The following DACH2 variants were observed in gnomAD, a reference collection of about 807,000 sequenced individuals.
DACH2 encodes the protein dachshund family transcription factor 2.
In DACH2, 17 loss-of-function variants were observed where a neutral mutation model predicts 35.8. That is an observed-to-expected ratio of 0.48 (90% CI 0.33 to 0.71). The LOEUF (loss-of-function observed/expected upper bound fraction) is 0.71. DACH2 is among the 30% of genes least tolerant of loss of function. DACH2 has a pLI of 0.02. For synonymous variants in DACH2, 195 were observed against 177.3 expected (o/e 1.10, Z -0.79); for missense variants, 469 against 472.7 (o/e 0.99, Z 0.07).
chrX:86,480,790 C>T (rs1342055346), intron 2 of DACH2, among the ~76,000 whole-genome samples: 2 of 111,489 alleles, frequency 1.8e-5, no homozygotes, highest in African/African-American at 3.3e-5. Context: ...GTTTGTATTC[C>T]AGCTAATGGT....
At chrX:86,549,301 TA>T (rs984483621) in intron 3 of DACH2, among the ~76,000 whole-genome samples, 8 of 111,363 alleles carry the variant, frequency 7.2e-5, no homozygotes, top group Non-Finnish European at 1.5e-4. Context: ...GATACATGTT[TA>T]AAAAATAATA....
intron 2 of DACH2, among the ~76,000 whole-genome samples, chrX:86,402,083 G>A (rs908391070): frequency 8.9e-6 from 1 of 111,972 alleles, no homozygotes; most frequent in African/African-American, 3.2e-5. Context: ...GTATCATACT[G>A]AATAAGGAAA....
At chrX:86,469,711 G>A (rs761827490) in intron 2 of DACH2, among the ~76,000 whole-genome samples, 16 of 110,647 alleles carry the variant, frequency 1.4e-4, no homozygotes, top group Admixed American at 4.9e-4. Context: ...TTTATATCAA[G>A]TTAGTTGTGG....
At chrX:86,602,817 CTTTAAA>C (rs2039806933) in intron 3 of DACH2, among the ~76,000 whole-genome samples, 1 of 111,403 alleles carries the variant, frequency 9.0e-6, no homozygotes, top group Non-Finnish European at 1.9e-5. Flanking sequence ...AGGAACAAAA[CTTTAAA>C]TTTAGATGAA....
chrX:86,401,377 C>T (rs1189180477), intron 2 of DACH2, among the ~76,000 whole-genome samples: 1 of 111,950 alleles, frequency 8.9e-6, no homozygotes, highest in African/African-American at 3.2e-5. Context: ...GTGCACTGCA[C>T]CCACTGTCCT....
intron 3 of DACH2, among the ~76,000 whole-genome samples, chrX:86,588,473 T>C (rs2039603952): frequency 1.8e-5 from 2 of 112,130 alleles, no homozygotes; most frequent in African/African-American, 6.5e-5. Context: ...ATTTTAACGA[T>C]ATTAATTCTT....
chrX:86,508,450 C>A (rs768762616), intron 2 of DACH2, among the ~76,000 whole-genome samples: 18 of 109,694 alleles, frequency 1.6e-4, no homozygotes, highest in Admixed American at 4.9e-4. Flanking sequence ...GTCCCAGCTA[C>A]TTGGGAGGCT....
At chrX:86,495,018 A>G (rs2038146968) in intron 2 of DACH2, among the ~76,000 whole-genome samples, 1 of 111,599 alleles carries the variant, frequency 9.0e-6, no homozygotes, top group Admixed American at 9.6e-5. Context: ...ATAAAATATT[A>G]ATGAGATAGT....
chrX:86,348,061 A>G (rs910329674), intron 1 of DACH2, among the ~76,000 whole-genome samples: 5 of 111,460 alleles, frequency 4.5e-5, no homozygotes, highest in African/African-American at 1.6e-4. Flanking sequence ...TCATAAGACC[A>G]CCCGTTATAA....
intron 3 of DACH2, among the ~76,000 whole-genome samples, chrX:86,574,749 C>A (rs1358949801): frequency 9.0e-6 from 1 of 110,781 alleles, no homozygotes; most frequent in Non-Finnish European, 1.9e-5. Context: ...TTTAATATGC[C>A]CTTATGCTGC....
chrX:86,398,487 G>A (rs1237358505), intron 2 of DACH2, among the ~76,000 whole-genome samples: 1 of 111,996 alleles, frequency 8.9e-6, no homozygotes, highest in Non-Finnish European at 1.9e-5. Context: ...ATGTTAGGGT[G>A]TCAATTTTAG....
chrX:86,277,124 A>G (rs2033930232), intron 1 of DACH2, among the ~76,000 whole-genome samples: 1 of 111,806 alleles, frequency 8.9e-6, no homozygotes, highest in Admixed American at 9.5e-5. Context: ...TTTGGGTAGT[A>G]TGGATATTTT....
At chrX:86,582,069 A>T (rs944874792) in intron 3 of DACH2, among the ~76,000 whole-genome samples, 1 of 111,988 alleles carries the variant, frequency 8.9e-6, no homozygotes. Context: ...TCTCTCAAAA[A>T]CATATTACAT....
chrX:86,347,811 A>G (rs1459325780), intron 1 of DACH2, among the ~76,000 whole-genome samples: 1 of 112,318 alleles, frequency 8.9e-6, no homozygotes, highest in African/African-American at 3.2e-5. Context: ...GTTTCATTCC[A>G]TTAATCAGTA....
At chrX:86,468,904 C>A (rs1422512068) in intron 2 of DACH2, among the ~76,000 whole-genome samples, 1 of 111,651 alleles carries the variant, frequency 9.0e-6, no homozygotes, top group Non-Finnish European at 1.9e-5. Context: ...ACTGCACTCC[C>A]AAGTTCATTG....
intron 1 of DACH2, among the ~76,000 whole-genome samples, chrX:86,316,818 G>A (rs911765634): frequency 9.0e-6 from 1 of 110,908 alleles, no homozygotes; most frequent in Admixed American, 9.6e-5. Flanking sequence ...TTACAAGGAG[G>A]TTTAGAATAT....
intron 3 of DACH2, among the ~76,000 whole-genome samples, chrX:86,529,781 T>C (rs1030701234): frequency 5.4e-5 from 6 of 111,268 alleles, no homozygotes; most frequent in African/African-American, 1.6e-4. Flanking sequence ...TGTGATCAAC[T>C]TTTTTAGCTC....
intron 3 of DACH2, among the ~76,000 whole-genome samples, chrX:86,580,173 T>G (rs940499550): frequency 2.7e-5 from 3 of 111,721 alleles, no homozygotes; most frequent in Admixed American, 9.5e-5. Context: ...AAACCCCACC[T>G]TATACTAAAA....
At chrX:86,174,495 G>T (rs962507130) in intron 1 of DACH2, among the ~76,000 whole-genome samples, 3 of 111,013 alleles carry the variant, frequency 2.7e-5, no homozygotes, top group Admixed American at 1.9e-4. Flanking sequence ...GATGATCTTT[G>T]TATTCTCCAT....
Sources: gnomAD v4.1 joint callset for allele counts (sites outside exome capture counted in the v4.1 genomes callset) on GRCh38, gnomAD v4.1.1 for gene constraint, MANE v1.5 for transcripts, NCBI Gene and HGNC (gene_info 2026-07-23, HGNC 2026-07-21) for gene names.